Variants in SGCZ observed in about 807,000 individuals in gnomAD.
The protein encoded by SGCZ is zeta-sarcoglycan.
In SGCZ, 40 loss-of-function variants were observed where a neutral mutation model predicts 41.3. That is an observed-to-expected ratio of 0.97 (90% CI 0.75 to 1.26). The LOEUF (loss-of-function observed/expected upper bound fraction) is 1.26, where lower values mean the gene tolerates loss of function less well. Ranked by LOEUF, SGCZ falls within the 50% of genes most tolerant of loss-of-function variation. The pLI is 0.00. For missense variants in SGCZ, 552 were observed against 369.8 expected, an observed-to-expected ratio of 1.49 and a Z score of -4.04; for synonymous variants, 206 against 137.5, an observed-to-expected ratio of 1.50 and a Z score of -3.49.
chr8:14,646,549 A>C (rs1161491402), intron 1 of SGCZ, among the ~76,000 whole-genome samples: 1 of 151,798 alleles, frequency 6.6e-6, no homozygotes, highest in Admixed American at 6.6e-5. Context: ...TGGTAGGACA[A>C]TTTATTTTCT....
chr8:14,278,618 A>G, intron 3 of SGCZ, among the ~76,000 whole-genome samples: 1 of 152,166 alleles, frequency 6.6e-6, no homozygotes, highest in Non-Finnish European at 1.5e-5. Flanking sequence ...ATAGGCTTAT[A>G]TATTCTCTAT....
intron 3 of SGCZ, among the ~76,000 whole-genome samples, chr8:14,265,096 C>G (rs1000278619): frequency 1.3e-5 from 2 of 152,138 alleles, no homozygotes; most frequent in Non-Finnish European, 2.9e-5. Flanking sequence ...GATACCGTGA[C>G]CTCACCAAAC....
intron 4 of SGCZ, among the ~76,000 whole-genome samples, chr8:14,188,824 G>GTTTTTTTTTT (rs145555540): frequency 6.4e-4 from 40 of 62,342 alleles, no homozygotes; most frequent in African/African-American, 1.6e-3. Context: ...TTGTTTCTTT[G>GTTTTTTTTTT]TTTTTTTTTG....
At chr8:14,822,286 T>G (rs1802126411) in intron 1 of SGCZ, among the ~76,000 whole-genome samples, 1 of 151,928 alleles carries the variant, frequency 6.6e-6, no homozygotes, top group Non-Finnish European at 1.5e-5. Flanking sequence ...TCCAAGGAGG[T>G]GAAAGATGTG....
At chr8:14,474,498 T>C (rs751954738) in intron 2 of SGCZ, among the ~76,000 whole-genome samples, 1 of 152,218 alleles carries the variant, frequency 6.6e-6, no homozygotes, top group African/African-American at 2.4e-5. Flanking sequence ...TTTGCAGCAA[T>C]AGTCATCATA....
At chr8:14,858,311 T>C (rs1230131544) in intron 1 of SGCZ, among the ~76,000 whole-genome samples, 2 of 152,098 alleles carry the variant, frequency 1.3e-5, no homozygotes, top group African/African-American at 4.8e-5. Flanking sequence ...AATATTTTAT[T>C]TAAAAAATTC....
At chr8:14,857,552 TA>T (rs961579251) in intron 1 of SGCZ, among the ~76,000 whole-genome samples, 1 of 152,152 alleles carries the variant, frequency 6.6e-6, no homozygotes, top group African/African-American at 2.4e-5. Flanking sequence ...CAGAATCACC[TA>T]AAATGTGTTT....
intron 1 of SGCZ, among the ~76,000 whole-genome samples, chr8:14,559,534 T>A (rs1178390735): frequency 6.6e-6 from 1 of 152,070 alleles, no homozygotes; most frequent in Admixed American, 6.6e-5. Flanking sequence ...GTAGAATCAA[T>A]ATTGTGAAAA....
chr8:14,477,949 A>C (rs2116995948), intron 2 of SGCZ, among the ~76,000 whole-genome samples: 1 of 152,336 alleles, frequency 6.6e-6, no homozygotes, highest in Admixed American at 6.5e-5. Flanking sequence ...AGATTGTTTA[A>C]GAAATGATGC....
At chr8:14,749,649 T>A (rs1024925404) in intron 1 of SGCZ, among the ~76,000 whole-genome samples, 2 of 152,186 alleles carry the variant, frequency 1.3e-5, no homozygotes, top group South Asian at 4.1e-4. Flanking sequence ...GATTAATTAA[T>A]TACCTATGGT....
At chr8:15,198,482 A>C (rs1034620863) in intron 1 of SGCZ, among the ~76,000 whole-genome samples, 8 of 152,188 alleles carry the variant, frequency 5.3e-5, no homozygotes, top group African/African-American at 1.9e-4. Context: ...AGGAAATGAA[A>C]GTTTTTAAAA....
intron 2 of SGCZ, among the ~76,000 whole-genome samples, chr8:14,464,832 T>C (rs1214094081): frequency 2.0e-5 from 3 of 151,692 alleles, no homozygotes; most frequent in African/African-American, 7.2e-5. Flanking sequence ...TGTGATTTTA[T>C]CTTTTGATCA....
At chr8:15,118,898 C>T (rs920251804) in intron 1 of SGCZ, among the ~76,000 whole-genome samples, 2 of 152,084 alleles carry the variant, frequency 1.3e-5, no homozygotes. Context: ...AGTATAGACA[C>T]GTTCCAGATG....
At chr8:14,208,698 C>T (rs1407973189) in intron 4 of SGCZ, among the ~76,000 whole-genome samples, 1 of 151,400 alleles carries the variant, frequency 6.6e-6, no homozygotes, top group Non-Finnish European at 1.5e-5. Context: ...ACTTATACTG[C>T]TATTTGTTTT....
chr8:14,640,855 A>G (rs1327607343), intron 1 of SGCZ, among the ~76,000 whole-genome samples: 2 of 151,666 alleles, frequency 1.3e-5, no homozygotes, highest in African/African-American at 4.8e-5. Flanking sequence ...TACTCTGGGT[A>G]TGAGACACTA....
At chr8:14,221,165 A>C (rs28410303) in intron 4 of SGCZ, among the ~76,000 whole-genome samples, 11,313 of 152,222 alleles carry the variant, frequency 0.074, 550 homozygotes, top group African/African-American at 0.12. Context: ...GCAATGTCTT[A>C]TGTGTGTATG....
At chr8:14,623,278 T>A (rs888018846) in intron 1 of SGCZ, among the ~76,000 whole-genome samples, 2 of 152,150 alleles carry the variant, frequency 1.3e-5, no homozygotes, top group Non-Finnish European at 2.9e-5. Context: ...GAAAGCAACA[T>A]TCATAACACA....
intron 1 of SGCZ, among the ~76,000 whole-genome samples, chr8:15,036,871 G>A (rs1221123000): frequency 2.6e-5 from 4 of 152,068 alleles, no homozygotes. Flanking sequence ...GAATTCATCA[G>A]CACATTAAAA....
chr8:14,719,988 G>C (rs993825594), intron 1 of SGCZ, among the ~76,000 whole-genome samples: 2 of 151,998 alleles, frequency 1.3e-5, no homozygotes, highest in African/African-American at 4.8e-5. Flanking sequence ...AAGGTTTTAG[G>C]TCTAAAGTTT....
Sources: gnomAD v4.1 joint callset for allele counts (sites outside exome capture counted in the v4.1 genomes callset) on GRCh38, gnomAD v4.1.1 for gene constraint, MANE v1.5 for transcripts, NCBI Gene and HGNC (gene_info 2026-07-23, HGNC 2026-07-21) for gene names.